FNDC3B: variants seen among roughly 807,000 people sequenced by gnomAD.
FNDC3B encodes fibronectin type III domain-containing protein 3B.
A neutral mutation model predicts 151.5 loss-of-function variants in FNDC3B; 12 were observed. The ratio of observed to expected loss-of-function variants is 0.08; its 90% CI spans 0.05 to 0.13. The LOEUF (loss-of-function observed/expected upper bound fraction) is 0.13. FNDC3B is among the 10% of genes least tolerant of loss of function. The pLI, the probability that FNDC3B is intolerant of heterozygous loss-of-function variation, is 1.00. For missense variants in FNDC3B, 1,214 were observed against 1,505.3 expected, an observed-to-expected ratio of 0.81 and a Z score of 3.20; for synonymous variants, 528 against 549.0, an observed-to-expected ratio of 0.96 and a Z score of 0.54.
At chr3:172,290,513 A>G (rs971016352) in intron 7 of FNDC3B, among the ~76,000 whole-genome samples, 1 of 152,140 alleles carries the variant, frequency 6.6e-6, no homozygotes, top group African/African-American at 2.4e-5. Context: ...TGGTGGTGCT[A>G]GATGTAGTCT....
intron 3 of FNDC3B, among the ~76,000 whole-genome samples, chr3:172,147,597 A>C (rs997243693): frequency 1.3e-5 from 2 of 152,142 alleles, no homozygotes; most frequent in African/African-American, 4.8e-5. Flanking sequence ...CGGTTCTCAA[A>C]ATGTAGCATA....
At chr3:172,087,308 A>G (rs1718594977) in intron 1 of FNDC3B, among the ~76,000 whole-genome samples, 1 of 152,024 alleles carries the variant, frequency 6.6e-6, no homozygotes, top group African/African-American at 2.4e-5. Flanking sequence ...GCTGTTATTC[A>G]CATAGATAAT....
At chr3:172,396,945 C>T (rs1178751709) in intron 25 of FNDC3B, among the ~76,000 whole-genome samples, 2 of 152,132 alleles carry the variant, frequency 1.3e-5, no homozygotes, top group South Asian at 2.1e-4. Context: ...TGTCAAAGTT[C>T]GAGTCACTGG....
chr3:172,196,331 G>T (rs1724828297), intron 3 of FNDC3B, among the ~76,000 whole-genome samples: 1 of 151,882 alleles, frequency 6.6e-6, no homozygotes, highest in South Asian at 2.1e-4. Flanking sequence ...TGAGACTACA[G>T]GTGCCTACCA....
intron 12 of FNDC3B, chr3:172,330,240 A>G (rs1424738787): frequency 8.7e-6 from 2 of 229,642 alleles, no homozygotes; most frequent in Non-Finnish European, 8.5e-6. Flanking sequence ...TATAATATCC[A>G]ATATAATGCC....
chr3:172,251,688 TC>T, intron 6 of FNDC3B, 147 bp downstream of exon 6: 1 of 699,720 alleles, frequency 1.4e-6, no homozygotes, highest in Admixed American at 3.3e-5. Flanking sequence ...TTGATCTATT[TC>T]TTGGTAAGGA....
chr3:172,175,621 G>A (rs1458140561), intron 3 of FNDC3B, among the ~76,000 whole-genome samples: 1 of 152,138 alleles, frequency 6.6e-6, no homozygotes, highest in Admixed American at 6.5e-5. Context: ...TTAGAGATAC[G>A]AAAATGAATT....
intron 6 of FNDC3B, among the ~76,000 whole-genome samples, chr3:172,266,013 A>G (rs1728907039): frequency 6.6e-6 from 1 of 152,240 alleles, no homozygotes; most frequent in African/African-American, 2.4e-5. Flanking sequence ...AAATGTCAGT[A>G]TTCTCAATCT....
At chr3:172,330,822 T>C in intron 13 of FNDC3B, 107 bp downstream of exon 13, 10 of 823,850 alleles carry the variant, frequency 1.2e-5, no homozygotes, top group Non-Finnish European at 1.7e-5. Flanking sequence ...AAAGCCAAAC[T>C]CTTAATTTCT....
At chr3:172,258,299 G>C (rs1014335111) in intron 6 of FNDC3B, among the ~76,000 whole-genome samples, 1 of 152,112 alleles carries the variant, frequency 6.6e-6, no homozygotes, top group African/African-American at 2.4e-5. Context: ...CAGTGATGAG[G>C]GCATTATTCT....
Position 172,362,786 on chromosome 3 carries a change from C to G in FNDC3B, c.2949C>G (p.Ser983=). The G allele has an allele frequency of 6.2e-7, 1 of 1,614,046 alleles. No individual in the cohort carries two copies. The highest frequency in any genetic ancestry group is 8.5e-7 in the Non-Finnish European group (1 of 1,179,994). The change falls in exon 23 of 26, where the codon TCC becomes TCG. Residue 983 remains serine, a synonymous_variant. Transcript: ENST00000415807. ...SLKLKWGDSN[S]KTHAAEDIVY... ...AGCTAAAATGGGGAGACAGTAACTC[C>G]AAGACACATGCTGCTGAGGACATTG...
chr3:172,174,340 G>A (rs1478140719), intron 3 of FNDC3B, among the ~76,000 whole-genome samples: 1 of 152,180 alleles, frequency 6.6e-6, no homozygotes, highest in African/African-American at 2.4e-5. Context: ...CTGCCACTTA[G>A]TTAGACTGAG....
chr3:172,142,115 T>C (rs927583210), intron 3 of FNDC3B, among the ~76,000 whole-genome samples: 2 of 152,192 alleles, frequency 1.3e-5, no homozygotes, highest in Admixed American at 6.5e-5. Context: ...AAATGAGTTA[T>C]TGTGTACAGA....
At chr3:172,262,861 C>T (rs564738389) in intron 6 of FNDC3B, among the ~76,000 whole-genome samples, 1 of 124,100 alleles carries the variant, frequency 8.1e-6, no homozygotes, top group South Asian at 2.7e-4. Flanking sequence ...CATGCCACTG[C>T]CCTTTCGCCT....
chr3:172,211,347 A>G (rs1388248318), intron 3 of FNDC3B, among the ~76,000 whole-genome samples: 1 of 152,198 alleles, frequency 6.6e-6, no homozygotes, highest in African/African-American at 2.4e-5. Context: ...TGAGTTCCTC[A>G]TTGGTCCACT....
rs1334969308 is a variant in FNDC3B at position 172,040,029 on chromosome 3, C to T, written c.-29+258C>T. On this transcript the variant is annotated intron_variant, in intron 1 of 25. Coordinates refer to ENST00000415807, the MANE Select transcript of FNDC3B (RefSeq NM_022763.4). This position sits in a 1 kb window ranked among gnomAD's most constrained non-coding sequence, Gnocchi z 6.6. ...TGGGCTGGGGTCCCCCGCCTGTGCC[C>T]CCTGCCTCAGGGTTTGGAGGAGTGA... 6.6e-6 allele frequency among the ~76,000 whole-genome samples: 1 copy of T among 152,144 alleles called. No homozygotes were observed. Among genetic ancestry groups the T allele is most frequent in the East Asian group, 1.9e-4 (1 of 5,158 alleles).
chr3:172,294,349 C>T (rs1041553725), intron 7 of FNDC3B, among the ~76,000 whole-genome samples: 1 of 152,196 alleles, frequency 6.6e-6, no homozygotes, highest in Non-Finnish European at 1.5e-5. Flanking sequence ...GCTGTACAAG[C>T]ATGGCTGGGA....
At chr3:172,221,549 G>A (rs78414013) in intron 3 of FNDC3B, among the ~76,000 whole-genome samples, 3,323 of 152,262 alleles carry the variant, frequency 0.022, 124 homozygotes, top group African/African-American at 0.075. Flanking sequence ...TTTAAGAAAC[G>A]CTCTAGATGA....
At chr3:172,335,150 T>C in intron 15 of FNDC3B, 68 bp downstream of exon 15, 1 of 1,489,728 alleles carries the variant, frequency 6.7e-7, no homozygotes, top group Non-Finnish European at 8.9e-7. Flanking sequence ...AAAAAATGAT[T>C]CATTTTAGTA....
Sources: gnomAD v4.1 joint callset for allele counts (sites outside exome capture counted in the v4.1 genomes callset) on GRCh38, gnomAD v4.1.1 for gene constraint, Gnocchi (gnomAD v3.1) non-coding constraint, MANE v1.5 for transcripts, NCBI Gene and HGNC (gene_info 2026-07-23, HGNC 2026-07-21) for gene names.